PCDHGA5: variants seen among roughly 807,000 people sequenced by gnomAD.
The protein encoded by PCDHGA5 is protocadherin gamma subfamily A, 5, also known as protocadherin gamma-A5.
PCDHGA5 carries 36 observed loss-of-function variants against 56.7 expected under a neutral mutation model. The ratio of observed to expected loss-of-function variants is 0.64; its 90% CI spans 0.49 to 0.84. The LOEUF (loss-of-function observed/expected upper bound fraction) is 0.84. PCDHGA5 is among the 40% of genes least tolerant of loss of function. The probability of loss-of-function intolerance (pLI) is 0.00; values close to 1 mark genes in which losing one functional copy is unlikely to be tolerated. For synonymous variants in PCDHGA5, 563 were observed against 520.2 expected (o/e 1.08, Z -1.12); for missense variants, 1,305 against 1,201.5 (o/e 1.09, Z -1.27).
At chr5:141,389,519 C>T in intron 1 of PCDHGA5, 1 of 1,613,156 alleles carries the variant, frequency 6.2e-7, no homozygotes, top group South Asian at 1.1e-5. Context: ...CGAACGTGAG[C>T]CTGCGCGTGT....
At position 141,476,565 on chromosome 5, in the gene PCDHGA5, C is replaced by A; in HGVS notation, c.2422-18242C>A. 1 of 1,614,184 alleles carries A rather than the reference C, an allele frequency of 6.2e-7. No homozygotes were observed. ...TTGGAGATTAGCGAGGCCGTGGCTC[C>A]GGGGACGCGCTTTCCGCTCGAGAGC... On this transcript the variant is annotated intron_variant, in intron 1 of 3. Coordinates refer to ENST00000518069, the MANE Select transcript of PCDHGA5 (RefSeq NM_018918.3). The surrounding 1 kb of genome is among the most constrained non-coding windows in gnomAD (Gnocchi z 7.6).
intron 1 of PCDHGA5, among the ~76,000 whole-genome samples, chr5:141,465,779 G>GT (rs879859429): frequency 0.017 from 2,504 of 144,598 alleles, 23 homozygotes; most frequent in Non-Finnish European, 0.024. Flanking sequence ...TCTTGTTACA[G>GT]TTTTTTTTTT....
intron 3 of PCDHGA5, among the ~76,000 whole-genome samples, chr5:141,508,711 T>G (rs1201917424): frequency 6.6e-6 from 1 of 152,058 alleles, no homozygotes; most frequent in Admixed American, 6.5e-5. Flanking sequence ...CTCATTCTTT[T>G]CTGTGTGCAG....
rs368168278 is a variant in PCDHGA5, at chr5:141,419,810, C to T, written c.2421+53059C>T. On this transcript the variant is annotated intron_variant, in intron 1 of 3. Coordinates refer to ENST00000518069, the MANE Select transcript of PCDHGA5 (RefSeq NM_018918.3). ...GCTAGTCGCTGTAAGAGATGGAGGA[C>T]AGCCACCCCTTTCAGCCACTGCCAC... The T allele has an allele frequency of 3.1e-6, 5 of 1,613,946 alleles. No individual in the cohort carries two copies. The Admixed American group carries it at 8.3e-5, about 27-fold the overall frequency.
chr5:141,465,546 T>C (rs572856697), intron 1 of PCDHGA5, among the ~76,000 whole-genome samples: 1 of 152,338 alleles, frequency 6.6e-6, no homozygotes, highest in South Asian at 2.1e-4. Context: ...GCATTTTTTC[T>C]GCTGAAGCTT....
chr5:141,497,217 G>A (rs1046945884), intron 2 of PCDHGA5, among the ~76,000 whole-genome samples: 1 of 152,066 alleles, frequency 6.6e-6, no homozygotes, highest in African/African-American at 2.4e-5. Flanking sequence ...AATGGGGGGG[G>A]GAAGATCAGA....
chr5:141,468,899 T>C (rs1051519139), intron 1 of PCDHGA5, among the ~76,000 whole-genome samples: 2 of 151,550 alleles, frequency 1.3e-5, no homozygotes, highest in Non-Finnish European at 2.9e-5. Flanking sequence ...GGTACTAATA[T>C]GATCCAGACT....
Position 141,431,260 on chromosome 5 carries a change from G to C in PCDHGA5, c.2422-63547G>C, listed in dbSNP as rs762250032. On this transcript the variant is annotated intron_variant, in intron 1 of 3. Coordinates refer to ENST00000518069, the MANE Select transcript of PCDHGA5 (RefSeq NM_018918.3). The surrounding 1 kb of genome is among the most constrained non-coding windows in gnomAD (Gnocchi z 4.8). The stretch of plus-strand genomic sequence containing the variant: ...ATCCGGATATCGGGAAGAACTCTCT[G>C]CAGAGCTACGAGCTCAGCCCGAACA... 6.2e-7 allele frequency: 1 copy of C among 1,614,170 alleles called. No homozygotes were observed. Among genetic ancestry groups the C allele is most frequent in the Non-Finnish European group, 8.5e-7 (1 of 1,180,052 alleles).
intron 1 of PCDHGA5, chr5:141,372,143 G>A: frequency 6.2e-7 from 1 of 1,613,784 alleles, no homozygotes. Context: ...GCTCTGCAGA[G>A]CCTGGCTACC....
chr5:141,440,451 A>G (rs2098179077), intron 1 of PCDHGA5: 1 of 152,230 alleles, frequency 6.6e-6, no homozygotes, highest in Non-Finnish European at 1.5e-5. Flanking sequence ...CATCTCAAAA[A>G]AAATGAACAA....
At chr5:141,422,716 G>T (rs1348237465) in intron 1 of PCDHGA5, 1 of 1,604,378 alleles carries the variant, frequency 6.2e-7, no homozygotes, top group African/African-American at 1.3e-5. Context: ...GGATGACACT[G>T]TCCAGGGGGT....
rs115237553 is a variant in PCDHGA5, at chr5:141,476,478, T to A, written c.2422-18329T>A. 1.3e-4 allele frequency: 203 copies of A among 1,613,844 alleles called. 2 individuals are homozygous for A. The African/African-American group carries it at 2.5e-3, about 20-fold the overall frequency. Reference sequence around the variant, plus strand: ...GAGAACCCGCTGGAGCTGTTCAGCGTGGAAGTGGTGATCCAGGACATCAAC... The same window carrying A: ...GAGAACCCGCTGGAGCTGTTCAGCGAGGAAGTGGTGATCCAGGACATCAAC... On this transcript the variant is annotated intron_variant, in intron 1 of 3. Transcript: ENST00000518069. The surrounding 1 kb of genome is among the most constrained non-coding windows in gnomAD (Gnocchi z 7.6).
chr5:141,375,714 G>C, intron 1 of PCDHGA5: 1 of 1,614,262 alleles, frequency 6.2e-7, no homozygotes, highest in Non-Finnish European at 8.5e-7. Context: ...CCTCTTAGCA[G>C]CAACGTGTCA....
At chr5:141,395,472 A>T in intron 1 of PCDHGA5, 1 of 548,076 alleles carries the variant, frequency 1.8e-6, no homozygotes, top group South Asian at 2.6e-5. Flanking sequence ...GCCTTCCAGT[A>T]TTTTATTCCT....
chr5:141,402,867 C>A (rs996572604), intron 1 of PCDHGA5: 7 of 1,443,390 alleles, frequency 4.8e-6, no homozygotes, highest in Non-Finnish European at 6.4e-6. Context: ...AGGAAAAGAT[C>A]ACCATACTTT....
At chr5:141,500,190 TTA>T (rs551092091) in intron 2 of PCDHGA5, among the ~76,000 whole-genome samples, 3 of 110,960 alleles carry the variant, frequency 2.7e-5, no homozygotes, top group Non-Finnish European at 3.9e-5. Context: ...TTATTTTTAT[TTA>T]TTTATTTATT....
chr5:141,497,211 G>C (rs914346878), intron 2 of PCDHGA5, among the ~76,000 whole-genome samples: 19 of 28,538 alleles, frequency 6.7e-4, no homozygotes, highest in African/African-American at 2.3e-3. Flanking sequence ...GAGTGTAATG[G>C]GGGGGGGAAG....
At chr5:141,405,217 G>A in intron 1 of PCDHGA5, 9 of 1,614,024 alleles carry the variant, frequency 5.6e-6, no homozygotes, top group Non-Finnish European at 7.6e-6. Context: ...CCTATTCTCA[G>A]GAGTTCTCCC....
intron 1 of PCDHGA5, among the ~76,000 whole-genome samples, chr5:141,437,505 A>G (rs1429147239): frequency 6.6e-6 from 1 of 152,204 alleles, no homozygotes; most frequent in Non-Finnish European, 1.5e-5. Context: ...TTTTCAATGA[A>G]TTATAAGGCT....
Sources: allele counts gnomAD v4.1 joint callset (sites outside exome capture counted in the v4.1 genomes callset), GRCh38; gene constraint gnomAD v4.1.1; non-coding constraint Gnocchi (gnomAD v3.1); transcripts MANE v1.5; gene names NCBI Gene and HGNC (gene_info 2026-07-23, HGNC 2026-07-21).